Variants in CLCA4 observed in about 807,000 individuals in gnomAD.
The protein encoded by CLCA4 is calcium-activated chloride channel regulator 4.
A neutral mutation model predicts 78.9 loss-of-function variants in CLCA4; 69 were observed. The ratio of observed to expected loss-of-function variants is 0.87; its 90% confidence interval spans 0.72 to 1.07. The LOEUF (loss-of-function observed/expected upper bound fraction) is 1.07. Ranked by LOEUF, CLCA4 falls within the 50% of genes least tolerant of loss-of-function variation. CLCA4 has a pLI of 0.00. For missense variants in CLCA4, 1,133 were observed against 1,095.8 expected (o/e 1.03, Z -0.48); for synonymous variants, 362 against 375.8 (o/e 0.96, Z 0.42).
At position 86,579,460 on chromosome 1, in the gene CLCA4, A is replaced by C. The variant is rs1214840833; in HGVS notation, c.2229A>C (p.Gln743His). The stretch of plus-strand genomic sequence containing the variant: ...CCGGAGGTGCATTTGTGGTATCACA[A>C]GTCCCAAGCCTTCCCTTGCCTGACC... ...TASGGAFVVSQVPSLPLPDQY... is the reference protein window; with the variant it reads ...TASGGAFVVSHVPSLPLPDQY... The change falls in exon 13 of 14, where the codon CAA (glutamine) becomes CAC (histidine). Residue 743 changes from glutamine to histidine, a missense_variant. Transcript: ENST00000370563. 6.2e-7 allele frequency: 1 copy of C among 1,613,366 alleles called. No homozygotes were observed. Among genetic ancestry groups the C allele is most frequent in the Admixed American group, 1.7e-5 (1 of 59,924 alleles).
Position 86,565,443 on chromosome 1 carries a change from A to G in CLCA4, c.727A>G (p.Ile243Val), listed in dbSNP as rs894637928. The G allele has an allele frequency of 6.3e-7, 1 of 1,583,376 alleles. No individual in the cohort carries two copies. The highest frequency in any genetic ancestry group is 1.4e-5 in the African/African-American group (1 of 73,838). Residue 243 changes from isoleucine to valine, a missense_variant, in exon 5 of 14, where the codon ATT becomes GTT. By Grantham distance (29) the Ile-to-Val change is conservative. Transcript: ENST00000370563. The stretch of plus-strand genomic sequence containing the variant: ...AGCATCCATAATGTTTATGCAAAGT[A>G]TTGATTCTGTAAGTATGCTGATAAT... ...EKASIMFMQS[I>V]DSVVEFCNEK...
chr1:86,555,316 G>C (rs1649805739), intron 1 of CLCA4, among the ~76,000 whole-genome samples: 1 of 152,092 alleles, frequency 6.6e-6, no homozygotes, highest in Non-Finnish European at 1.5e-5. Context: ...CTGTCTTCTA[G>C]GGTTTTTATA....
At chr1:86,556,427 C>T (rs1231056337) in intron 1 of CLCA4, among the ~76,000 whole-genome samples, 1 of 152,112 alleles carries the variant, frequency 6.6e-6, no homozygotes, top group Non-Finnish European at 1.5e-5. Flanking sequence ...ACCTTTTCTC[C>T]ATCTCCTGAG....
At chr1:86,560,798 A>G (rs529339280) in intron 3 of CLCA4, among the ~76,000 whole-genome samples, 1 of 152,320 alleles carries the variant, frequency 6.6e-6, no homozygotes, top group African/African-American at 2.4e-5. Context: ...TGGTCAAGAG[A>G]AAACACTCCT....
chr1:86,577,540 G>A (rs1375222951), intron 11 of CLCA4, among the ~76,000 whole-genome samples: 5 of 152,028 alleles, frequency 3.3e-5, no homozygotes, highest in Non-Finnish European at 7.4e-5. Context: ...GACATAGTGT[G>A]TTTAGAGAAA....
chr1:86,578,026 G>T lies in CLCA4; in HGVS notation c.2076G>T (p.Arg692=). 1 of 1,612,736 alleles carries T rather than the reference G, an allele frequency of 6.2e-7. No individual in the cohort carries two copies. The highest frequency in any genetic ancestry group is 8.5e-7 in the Non-Finnish European group (1 of 1,179,324). ...GGANTARLKL[R]PPLNRAAYIP... ...CAAACACTGCCAGGCTAAAATTACGGCCTCCACTGAATAGAGCCGCGTACA... is the reference window on the plus strand; with the variant it reads ...CAAACACTGCCAGGCTAAAATTACGTCCTCCACTGAATAGAGCCGCGTACA... The change falls in exon 12 of 14, where the codon CGG becomes CGT. Residue 692 remains arginine (R), a synonymous_variant. Transcript: ENST00000370563.
chr1:86,570,935 A>G, intron 7 of CLCA4, 142 bp from the exon 8 acceptor site: 1 of 540,608 alleles, frequency 1.8e-6, no homozygotes, highest in Non-Finnish European at 3.1e-6. Context: ...GTTGATTGAA[A>G]ATTCTTTATT....
At chr1:86,548,838 C>T (rs1649574439) in intron 1 of CLCA4, among the ~76,000 whole-genome samples, 1 of 151,924 alleles carries the variant, frequency 6.6e-6, no homozygotes, top group Non-Finnish European at 1.5e-5. Context: ...TGGTAATGGG[C>T]AGAGGGAGAT....
intron 1 of CLCA4, among the ~76,000 whole-genome samples, chr1:86,551,036 T>C (rs1035623314): frequency 1.3e-5 from 2 of 151,918 alleles, no homozygotes; most frequent in African/African-American, 4.8e-5. Context: ...TTTCACCGTG[T>C]TAGCCAGGAT....
At chr1:86,549,047 T>G (rs1247490812) in intron 1 of CLCA4, among the ~76,000 whole-genome samples, 2 of 152,212 alleles carry the variant, frequency 1.3e-5, no homozygotes, top group Non-Finnish European at 2.9e-5. Context: ...CAGTGTATCT[T>G]CTTTTCAGAG....
chr1:86,550,976 C>T (rs561406255), intron 1 of CLCA4, among the ~76,000 whole-genome samples: 69 of 151,658 alleles, frequency 4.5e-4, no homozygotes, highest in Middle Eastern at 3.4e-3. Context: ...GGATTACAGG[C>T]GCCTGCCACC....
At chr1:86,571,525 T>G in intron 8 of CLCA4, 1 of 256,170 alleles carries the variant, frequency 3.9e-6, no homozygotes, top group Non-Finnish European at 7.4e-6. Context: ...TTAGTTTTAC[T>G]AGAGTTGTAT....
In CLCA4 at chr1:86,560,338, A is replaced by G. The variant is rs186026858; in HGVS notation, c.428A>G (p.Gln143Arg). 52 of 1,613,754 alleles carry G rather than the reference A, an allele frequency of 3.2e-5. No individual in the cohort carries two copies. In the East Asian group the frequency reaches 1.2e-3, roughly 36 times the overall value. ...FTPDLLLGKK[Q>R]NEYGPPGKLF... Reference sequence around the variant, plus strand: ...CCTGACCTTCTACTTGGAAAAAAACAAAATGAATATGGACCACCAGGTAGA... The same window carrying G: ...CCTGACCTTCTACTTGGAAAAAAACGAAATGAATATGGACCACCAGGTAGA... The change falls in exon 3 of 14, where the codon CAA becomes CGA. Residue 143 changes from glutamine (Q) to arginine (R), a missense_variant. Gln to Arg is a conservative substitution (Grantham distance 43). Coordinates refer to ENST00000370563, the MANE Select transcript of CLCA4 (RefSeq NM_012128.4).
chr1:86,565,882 A>G lies in CLCA4; in HGVS notation c.816A>G (p.Thr272=), dbSNP rs765721412. 6.2e-7 allele frequency: 1 copy of G among 1,612,286 alleles called. No individual in the cohort carries two copies. Among genetic ancestry groups the G allele is most frequent in the South Asian group, 1.1e-5 (1 of 90,944 alleles). ...LQNIKCNFRS[T]WEVISNSEDF... is the part of the protein sequence containing the mutation. ...ACATAAAGTGCAATTTTAGAAGTAC[A>G]TGGGAGGTGATTAGCAATTCTGAGG... Residue 272 remains threonine (T), a synonymous_variant, in exon 6 of 14, where the codon ACA becomes ACG. Transcript: ENST00000370563.
At chr1:86,549,389 C>G (rs924674773) in intron 1 of CLCA4, among the ~76,000 whole-genome samples, 1 of 152,170 alleles carries the variant, frequency 6.6e-6, no homozygotes, top group African/African-American at 2.4e-5. Context: ...GCCTAGACCA[C>G]CAGAAAGACT....
chr1:86,571,343 C>T, intron 8 of CLCA4, 89 bp downstream of exon 8: 1 of 1,296,982 alleles, frequency 7.7e-7, no homozygotes, highest in Non-Finnish European at 1.1e-6. Flanking sequence ...GAGTTTCTGC[C>T]TTGGAGGCAC....
At chr1:86,565,702 A>G in intron 5 of CLCA4, 100 bp from the exon 6 acceptor site, 3 of 711,122 alleles carry the variant, frequency 4.2e-6, no homozygotes, top group Non-Finnish European at 6.6e-6. Context: ...CATTCAACAA[A>G]CAACATATCT....
chr1:86,574,947 A>G (rs1266827680), intron 10 of CLCA4, among the ~76,000 whole-genome samples, 192 bp downstream of exon 10: 1 of 152,092 alleles, frequency 6.6e-6, no homozygotes, highest in Non-Finnish European at 1.5e-5. Flanking sequence ...AGAAGAAGGA[A>G]GAAAACGTAG....
intron 1 of CLCA4, chr1:86,552,527 G>T: frequency 2.0e-6 from 1 of 511,046 alleles, no homozygotes. Context: ...GGGCAGCAAG[G>T]CTGGGCAGCG....
Sources: gnomAD v4.1 joint callset for allele counts (sites outside exome capture counted in the v4.1 genomes callset) on GRCh38, gnomAD v4.1.1 for gene constraint, MANE v1.5 for transcripts, NCBI Gene and HGNC (gene_info 2026-07-23, HGNC 2026-07-21) for gene names.